Variants in GXYLT2 observed in about 807,000 individuals in gnomAD.
The protein encoded by GXYLT2 is glycosyltransferase 8 domain containing 4.
Under a neutral mutation model 45.8 loss-of-function variants are expected in GXYLT2, and 53 were observed. The ratio of observed to expected loss-of-function variants is 1.16; its 90% CI spans 0.93 to 1.46. The LOEUF (loss-of-function observed/expected upper bound fraction) is 1.46, where lower values mean the gene tolerates loss of function less well. GXYLT2 is among the 40% of genes most tolerant of loss of function. The probability of loss-of-function intolerance (pLI) is 0.00; values close to 1 mark genes in which losing one functional copy is unlikely to be tolerated. For missense variants in GXYLT2, 551 were observed against 544.4 expected (o/e 1.01, Z -0.12); for synonymous variants, 219 against 214.2 (o/e 1.02, Z -0.19).
chr3:72,969,070 CA>C (rs968540312), intron 6 of GXYLT2, among the ~76,000 whole-genome samples: 17 of 145,456 alleles, frequency 1.2e-4, no homozygotes, highest in African/African-American at 3.0e-4. Context: ...GACTCCATCT[CA>C]AAAAAAAAAG....
At position 72,888,121 on chromosome 3, in the gene GXYLT2, G is replaced by T; in HGVS notation, c.-113G>T. The T allele has an allele frequency of 1.5e-6, 1 of 661,000 alleles. No homozygotes were observed. Among genetic ancestry groups the T allele is most frequent in the South Asian group, 6.6e-5 (1 of 15,060 alleles). The allele number at this position is 661,000 out of a possible 1,614,324, so 40.9% of individuals were successfully genotyped here. A position where few individuals can be genotyped will look rare whatever the true frequency, so the allele number is the denominator to read the frequency against. On this transcript the variant is annotated 5_prime_UTR_variant, in exon 1 of 7. Coordinates refer to ENST00000389617, the MANE Select transcript of GXYLT2 (RefSeq NM_001080393.2). Reference sequence around the variant, plus strand: ...GCCGGCCGCCACGACCCCAGTCCCCGGCGGGCGGGCGGAGGAGGCGACCGC... The same window carrying T: ...GCCGGCCGCCACGACCCCAGTCCCCTGCGGGCGGGCGGAGGAGGCGACCGC...
intron 3 of GXYLT2, among the ~76,000 whole-genome samples, chr3:72,933,794 G>C (rs1004797675): frequency 6.6e-6 from 1 of 152,016 alleles, no homozygotes; most frequent in African/African-American, 2.4e-5. Context: ...CCAGCAGCCT[G>C]GGGGGGCCGA....
intron 3 of GXYLT2, among the ~76,000 whole-genome samples, chr3:72,925,455 C>T (rs556173744): frequency 1.4e-3 from 219 of 152,298 alleles, no homozygotes; most frequent in African/African-American, 5.1e-3. Context: ...TGCGCCTGGC[C>T]ACATCGTCTG....
intron 3 of GXYLT2, among the ~76,000 whole-genome samples, chr3:72,935,448 A>G (rs1710157818): frequency 6.6e-6 from 1 of 152,246 alleles, no homozygotes; most frequent in Non-Finnish European, 1.5e-5. Context: ...CAACCGTGAA[A>G]TTAATTCAAG....
At chr3:72,967,116 G>A (rs888827710) in intron 5 of GXYLT2, among the ~76,000 whole-genome samples, 2 of 152,146 alleles carry the variant, frequency 1.3e-5, no homozygotes, top group Non-Finnish European at 2.9e-5. Flanking sequence ...TTGATACCCT[G>A]CTAATCATTT....
chr3:72,916,065 A>G (rs749945943), intron 2 of GXYLT2, among the ~76,000 whole-genome samples: 1 of 151,498 alleles, frequency 6.6e-6, no homozygotes, highest in Non-Finnish European at 1.5e-5. Flanking sequence ...GTTGGGTGTG[A>G]TTGTGTGATT....
intron 3 of GXYLT2, among the ~76,000 whole-genome samples, chr3:72,949,226 A>T (rs770699738): frequency 1.2e-4 from 19 of 152,022 alleles, no homozygotes; most frequent in Non-Finnish European, 1.9e-4. Context: ...TCCCACTGTA[A>T]ACTCCAGCCC....
chr3:72,907,771 G>C (rs950514789), intron 1 of GXYLT2, among the ~76,000 whole-genome samples: 1 of 152,080 alleles, frequency 6.6e-6, no homozygotes, highest in African/African-American at 2.4e-5. Flanking sequence ...TTGGCGAGAC[G>C]GTCAGGATTA....
chr3:72,949,594 C>A (rs1159568372), intron 3 of GXYLT2, among the ~76,000 whole-genome samples: 1 of 148,192 alleles, frequency 6.7e-6, no homozygotes, highest in Non-Finnish European at 1.5e-5. Flanking sequence ...TGACTGCAAC[C>A]TCCGCCTCCC....
At chr3:72,939,849 T>C (rs1401720858) in intron 3 of GXYLT2, among the ~76,000 whole-genome samples, 1 of 152,066 alleles carries the variant, frequency 6.6e-6, no homozygotes, top group Non-Finnish European at 1.5e-5. Flanking sequence ...ACCTGGCTAA[T>C]TTTTGTATTT....
At chr3:72,954,203 G>C (rs2107140073) in intron 3 of GXYLT2, among the ~76,000 whole-genome samples, 1 of 151,850 alleles carries the variant, frequency 6.6e-6, no homozygotes, top group Non-Finnish European at 1.5e-5. Flanking sequence ...CCCTCCCCGG[G>C]TTCAAGCGAT....
In GXYLT2 at chr3:72,890,714, C is replaced by T. The variant is rs193027086; in HGVS notation, c.275+2206C>T. 1.1e-4 allele frequency among the ~76,000 whole-genome samples: 17 copies of T among 152,328 alleles called. No homozygotes were observed. In the East Asian group the frequency reaches 2.5e-3, roughly 22 times the overall value. On this transcript the variant is annotated intron_variant, in intron 1 of 6. Transcript: ENST00000389617. ...TTTTGTGTCTATCTGAACAAAGTGT[C>T]TCTGACTAGGAGGAGATCATGAACA...
chr3:72,916,684 C>T (rs574059905), intron 2 of GXYLT2, among the ~76,000 whole-genome samples: 2 of 151,868 alleles, frequency 1.3e-5, no homozygotes, highest in African/African-American at 2.4e-5. Flanking sequence ...GGATTACAGT[C>T]GTGCACTACC....
chr3:72,891,412 G>A (rs1055751653), intron 1 of GXYLT2, among the ~76,000 whole-genome samples: 1 of 152,200 alleles, frequency 6.6e-6, no homozygotes, highest in Non-Finnish European at 1.5e-5. Flanking sequence ...TCATTTCACA[G>A]AAGTTTCCAA....
At chr3:72,902,993 C>T (rs11918132) in intron 1 of GXYLT2, among the ~76,000 whole-genome samples, 47,009 of 152,096 alleles carry the variant, frequency 0.31, 7,654 homozygotes, top group Non-Finnish European at 0.34. Context: ...GCCTTTGCCA[C>T]AGGGTGAGAC....
intron 5 of GXYLT2, among the ~76,000 whole-genome samples, chr3:72,963,137 C>A (rs144253450): frequency 2.4e-3 from 363 of 151,912 alleles, no homozygotes; most frequent in Middle Eastern, 6.8e-3. Flanking sequence ...CGTGGCAAGA[C>A]CCCATCTCTA....
At chr3:72,904,327 G>A (rs986366753) in intron 1 of GXYLT2, among the ~76,000 whole-genome samples, 4 of 152,220 alleles carry the variant, frequency 2.6e-5, no homozygotes, top group African/African-American at 9.6e-5. Context: ...GGCACACCGT[G>A]CCAGTGCCCT....
chr3:72,938,976 A>G (rs1710243219), intron 3 of GXYLT2, among the ~76,000 whole-genome samples: 1 of 152,252 alleles, frequency 6.6e-6, no homozygotes, highest in Non-Finnish European at 1.5e-5. Flanking sequence ...GAATGCAGCC[A>G]TGACATTGGT....
intron 3 of GXYLT2, among the ~76,000 whole-genome samples, chr3:72,947,003 A>G (rs190247556): frequency 6.6e-6 from 1 of 151,652 alleles, no homozygotes; most frequent in East Asian, 1.9e-4. Context: ...TATTACTATT[A>G]TTGCTATTAT....
Sources: gnomAD v4.1 joint callset for allele counts (sites outside exome capture counted in the v4.1 genomes callset) on GRCh38, gnomAD v4.1.1 for gene constraint, MANE v1.5 for transcripts, NCBI Gene and HGNC (gene_info 2026-07-23, HGNC 2026-07-21) for gene names.